Variants in ENOPH1 observed in about 807,000 individuals in gnomAD.
ENOPH1 encodes enolase-phosphatase E1.
Under a neutral mutation model 31.1 loss-of-function variants are expected in ENOPH1, and 14 were observed. That is an observed-to-expected ratio of 0.45 (90% CI 0.30 to 0.70). The LOEUF (loss-of-function observed/expected upper bound fraction) is 0.70. Among genes scored for constraint, ENOPH1 ranks in the 30% least tolerant of loss-of-function variants. ENOPH1 has a pLI of 0.09. For synonymous variants in ENOPH1, 127 were observed against 123.2 expected, an observed-to-expected ratio of 1.03 and a Z score of -0.21; for missense variants, 243 against 321.5, an observed-to-expected ratio of 0.76 and a Z score of 1.87.
chr4:82,459,779 T>G (rs867737462), intron 5 of ENOPH1, among the ~76,000 whole-genome samples: 1 of 152,294 alleles, frequency 6.6e-6, no homozygotes, highest in Middle Eastern at 3.4e-3. Context: ...TTTTAAAATT[T>G]TATCATGGAA....
intron 1 of ENOPH1, among the ~76,000 whole-genome samples, chr4:82,436,942 G>T (rs1188084936): frequency 1.3e-5 from 2 of 152,022 alleles, no homozygotes; most frequent in East Asian, 1.9e-4. Context: ...GGAACCCAAA[G>T]AATCTGCATT....
chr4:82,457,179 T>A, intron 5 of ENOPH1, 141 bp downstream of exon 5: 1 of 812,090 alleles, frequency 1.2e-6, no homozygotes, highest in Non-Finnish European at 1.8e-6. Context: ...AAAGAAACAG[T>A]GTCTGGTTCA....
intron 1 of ENOPH1, among the ~76,000 whole-genome samples, chr4:82,442,621 C>T (rs1410747962): frequency 1.3e-5 from 2 of 152,026 alleles, no homozygotes; most frequent in South Asian, 2.1e-4. Flanking sequence ...ATTTTTATTG[C>T]AGAAAAGAGA....
intron 3 of ENOPH1, among the ~76,000 whole-genome samples, chr4:82,452,074 C>A (rs908636428): frequency 1.3e-5 from 2 of 150,110 alleles, no homozygotes; most frequent in African/African-American, 4.9e-5. Flanking sequence ...AGTCACAATA[C>A]CTGGCCTATT....
At chr4:82,453,800 G>C (rs531877246) in intron 3 of ENOPH1, among the ~76,000 whole-genome samples, 1 of 152,242 alleles carries the variant, frequency 6.6e-6, no homozygotes, top group East Asian at 1.9e-4. Flanking sequence ...CTGAGTGTCA[G>C]AAGTCAGAAA....
intron 1 of ENOPH1, among the ~76,000 whole-genome samples, chr4:82,437,293 T>C (rs917811612): frequency 3.3e-5 from 5 of 152,230 alleles, no homozygotes; most frequent in African/African-American, 1.2e-4. Flanking sequence ...CTCAGGTTCC[T>C]CAGGGAACCT....
chr4:82,452,516 T>C (rs150577685), intron 3 of ENOPH1, among the ~76,000 whole-genome samples: 6,313 of 152,188 alleles, frequency 0.041, 216 homozygotes, highest in East Asian at 0.15. Flanking sequence ...GGTCTTGAAC[T>C]CCTGACCTCA....
chr4:82,454,624 T>C, intron 3 of ENOPH1, 98 bp from the exon 4 acceptor site: 1 of 1,349,904 alleles, frequency 7.4e-7, no homozygotes, highest in Non-Finnish European at 1.0e-6. Flanking sequence ...GGTTACCATG[T>C]GGGCACAAAG....
chr4:82,435,993 G>A (rs528689794), intron 1 of ENOPH1, among the ~76,000 whole-genome samples: 84 of 152,298 alleles, frequency 5.5e-4, no homozygotes, highest in Admixed American at 3.0e-3. Context: ...TATAATGCAG[G>A]AAGTGTCAGA....
intron 1 of ENOPH1, among the ~76,000 whole-genome samples, chr4:82,431,491 T>G (rs1425205568): frequency 6.6e-6 from 1 of 152,202 alleles, no homozygotes; most frequent in East Asian, 1.9e-4. Context: ...ATAGCGCTGA[T>G]TTTTTGAGCT....
chr4:82,456,823 AAGTAATTGTG>A, intron 4 of ENOPH1, 82 bp from the exon 5 acceptor site: 1 of 1,472,640 alleles, frequency 6.8e-7, no homozygotes, highest in Non-Finnish European at 9.3e-7. Context: ...TGAACGAATG[AAGTAATTGTG>A]ATTGTCATGT....
intron 1 of ENOPH1, among the ~76,000 whole-genome samples, chr4:82,446,156 G>T (rs72909825): frequency 6.6e-6 from 1 of 152,062 alleles, no homozygotes; most frequent in African/African-American, 2.4e-5. Context: ...AGTGACTCAC[G>T]CCTGTAATCC....
chr4:82,450,942 A>C, intron 2 of ENOPH1, 101 bp from the exon 3 acceptor site: 1 of 862,542 alleles, frequency 1.2e-6, no homozygotes, highest in Non-Finnish European at 1.9e-6. Flanking sequence ...TACTAGGGCT[A>C]ATGATGGAGA....
chr4:82,457,212 A>T (rs990238008), intron 5 of ENOPH1, among the ~76,000 whole-genome samples, 174 bp downstream of exon 5: 7 of 152,166 alleles, frequency 4.6e-5, no homozygotes, highest in Non-Finnish European at 1.0e-4. Context: ...AATTAAAAAA[A>T]AAAAACACAG....
intron 1 of ENOPH1, among the ~76,000 whole-genome samples, chr4:82,443,493 C>T (rs1318240572): frequency 6.6e-6 from 1 of 151,696 alleles, no homozygotes; most frequent in East Asian, 1.9e-4. Flanking sequence ...CTTTGGGAGG[C>T]CGAGGCTGGC....
At chr4:82,449,689 A>G (rs762612447) in intron 2 of ENOPH1, among the ~76,000 whole-genome samples, 3 of 152,170 alleles carry the variant, frequency 2.0e-5, no homozygotes, top group African/African-American at 4.8e-5. Flanking sequence ...TCAATGTGCA[A>G]TTTGGGTGGG....
At chr4:82,444,192 GT>G (rs1158316933) in intron 1 of ENOPH1, among the ~76,000 whole-genome samples, 1 of 151,648 alleles carries the variant, frequency 6.6e-6, no homozygotes, top group Non-Finnish European at 1.5e-5. Context: ...TTTTAAAGTA[GT>G]TTCTTTATGT....
chr4:82,431,125 C>T (rs556247256), intron 1 of ENOPH1, among the ~76,000 whole-genome samples: 8 of 152,286 alleles, frequency 5.3e-5, no homozygotes, highest in Non-Finnish European at 1.0e-4. Flanking sequence ...CGCCCTTGCG[C>T]TTGGTTGGAT....
intron 4 of ENOPH1, among the ~76,000 whole-genome samples, chr4:82,456,197 A>C (rs894741282): frequency 9.0e-5 from 13 of 144,004 alleles, no homozygotes; most frequent in African/African-American, 3.2e-4. Flanking sequence ...AACTTTAAAA[A>C]AAAAAAACTT....
Sources: allele counts gnomAD v4.1 joint callset (sites outside exome capture counted in the v4.1 genomes callset), GRCh38; gene constraint gnomAD v4.1.1; transcripts MANE v1.5; gene names NCBI Gene and HGNC (gene_info 2026-07-23, HGNC 2026-07-21).